The following UGT1A9 variants were observed in gnomAD, a reference collection of about 807,000 sequenced individuals.
UGT1A9 encodes UDP glucuronosyltransferase family 1 member A9.
Under a neutral mutation model 45.0 loss-of-function variants are expected in UGT1A9, and 35 were observed. That is an observed-to-expected ratio of 0.78 (90% CI 0.59 to 1.03). The LOEUF (loss-of-function observed/expected upper bound fraction) is 1.03, where lower values mean the gene tolerates loss of function less well. Ranked by LOEUF, UGT1A9 falls within the 50% of genes least tolerant of loss-of-function variation. UGT1A9 has a pLI of 0.00. For missense variants in UGT1A9, 687 were observed against 666.6 expected (o/e 1.03, Z -0.34); for synonymous variants, 278 against 250.6 (o/e 1.11, Z -1.03).
chr2:233,726,116 T>C (rs1575565636), intron 1 of UGT1A9, among the ~76,000 whole-genome samples: 1 of 152,166 alleles, frequency 6.6e-6, no homozygotes, highest in East Asian at 1.9e-4. Flanking sequence ...CAGTGTGCCA[T>C]GTTCACACCA....
chr2:233,719,092 G>A lies in UGT1A9; in HGVS notation c.855+46303G>A, dbSNP rs570129053. 84 of 1,614,240 alleles carry A rather than the reference G, an allele frequency of 5.2e-5. No homozygotes were observed. The highest frequency in any genetic ancestry group is 6.6e-5 in the Non-Finnish European group (78 of 1,180,038). On this transcript the variant is annotated intron_variant, in intron 1 of 4. Transcript: ENST00000354728. Reference sequence around the variant, plus strand: ...CCATGGACCCAGAAGGAATTTGATCGCGTTACGCTGGGCTACACTCAAGGG... The same window carrying A: ...CCATGGACCCAGAAGGAATTTGATCACGTTACGCTGGGCTACACTCAAGGG...
chr2:233,719,027 C>CA (rs779192742), intron 1 of UGT1A9: 8 of 1,614,110 alleles, frequency 5.0e-6, no homozygotes, highest in African/African-American at 1.3e-5. Flanking sequence ...ATATGCACAT[C>CA]AAAGAAGAGA....
intron 1 of UGT1A9, among the ~76,000 whole-genome samples, chr2:233,738,306 T>C (rs181527860): frequency 9.5e-4 from 144 of 152,344 alleles, no homozygotes; most frequent in Non-Finnish European, 1.5e-3. Context: ...TATGTCTTTA[T>C]AGCAGTGTGT....
At chr2:233,682,483 G>A (rs1462405712) in intron 1 of UGT1A9, 2 of 1,613,920 alleles carry the variant, frequency 1.2e-6, no homozygotes, top group South Asian at 1.1e-5. Context: ...AAGGTGCACA[G>A]TGCCCTGCTC....
Position 233,768,222 on chromosome 2 carries a change from C to G in UGT1A9, c.1078C>G (p.His360Asp). 1 of 1,614,186 alleles carries G rather than the reference C, an allele frequency of 6.2e-7. No homozygotes were observed. Among genetic ancestry groups the G allele is most frequent in the Non-Finnish European group, 8.5e-7 (1 of 1,180,046 alleles). The change falls in exon 4 of 5, where the codon CAC becomes GAC. Residue 360 changes from histidine to aspartate, a missense_variant and splice_region_variant. His to Asp is a moderately conservative substitution (Grantham distance 81, BLOSUM62 -1). Coordinates refer to ENST00000354728, the MANE Select transcript of UGT1A9 (RefSeq NM_021027.3). ...ATCCTCCCTATTTTGCATCTCAGGT[C>G]ACCCGATGACCCGTGCCTTTATCAC... ...KWLPQNDLLG[H>D]PMTRAFITHA... is the part of the protein sequence containing the mutation.
chr2:233,720,322 A>C (rs1355455978), intron 1 of UGT1A9, among the ~76,000 whole-genome samples: 3 of 152,124 alleles, frequency 2.0e-5, no homozygotes, highest in African/African-American at 7.2e-5. Context: ...ATGTGGGGAC[A>C]TCGTAGAGTT....
At chr2:233,719,463 C>T (rs778257140) in intron 1 of UGT1A9, 5 of 1,613,980 alleles carry the variant, frequency 3.1e-6, no homozygotes, top group South Asian at 1.1e-5. Context: ...CAAGAACATG[C>T]TCTACCCTCT....
At chr2:233,681,416 C>T (rs1050679967) in intron 1 of UGT1A9, among the ~76,000 whole-genome samples, 1 of 151,512 alleles carries the variant, frequency 6.6e-6, no homozygotes, top group African/African-American at 2.4e-5. Context: ...CGCCTGTAAT[C>T]CCAGCTACTG....
chr2:233,745,888 G>A (rs1423875334), intron 1 of UGT1A9, among the ~76,000 whole-genome samples: 1 of 151,512 alleles, frequency 6.6e-6, no homozygotes, highest in African/African-American at 2.4e-5. Flanking sequence ...TGTTGGTGGG[G>A]TGGCGTTTTT....
chr2:233,706,586 G>A (rs992112289), intron 1 of UGT1A9, among the ~76,000 whole-genome samples: 1 of 152,142 alleles, frequency 6.6e-6, no homozygotes, highest in Non-Finnish European at 1.5e-5. Flanking sequence ...GGAGATGGGA[G>A]GTGGACCTAA....
At chr2:233,695,903 T>C (rs1451387957) in intron 1 of UGT1A9, among the ~76,000 whole-genome samples, 2 of 151,728 alleles carry the variant, frequency 1.3e-5, no homozygotes, top group African/African-American at 4.8e-5. Context: ...ATGTGTGGGG[T>C]TTTTTTTCTC....
At position 233,731,426 on chromosome 2, in the gene UGT1A9, C is replaced by A. The variant is rs575531992; in HGVS notation, c.856-35608C>A. Among the ~76,000 whole-genome samples, 3 of 152,128 alleles carry A rather than the reference C, an allele frequency of 2.0e-5. No homozygotes were observed. The South Asian group carries it at 6.2e-4, about 32-fold the overall frequency. On this transcript the variant is annotated intron_variant, in intron 1 of 4. Coordinates refer to ENST00000354728, the MANE Select transcript of UGT1A9 (RefSeq NM_021027.3). ...CATTAGGTATTTTTCCTAATGCCATCCCTCCCCCAGTCCCCCACCCCACAA... is the reference window on the plus strand; with the variant it reads ...CATTAGGTATTTTTCCTAATGCCATACCTCCCCCAGTCCCCCACCCCACAA...
chr2:233,744,048 C>T (rs982904755), intron 1 of UGT1A9: 4 of 712,778 alleles, frequency 5.6e-6, no homozygotes, highest in Non-Finnish European at 8.0e-6. Context: ...AGCCACATCT[C>T]ATTGGTCGAG....
At chr2:233,682,102 G>A (rs530813077) in intron 1 of UGT1A9, 1 of 1,614,164 alleles carries the variant, frequency 6.2e-7, no homozygotes, top group Non-Finnish European at 8.5e-7. Context: ...GGCATGAGGT[G>A]GTCGTAGTCA....
intron 1 of UGT1A9, chr2:233,682,739 A>T (rs762762821): frequency 6.2e-7 from 1 of 1,613,808 alleles, no homozygotes; most frequent in African/African-American, 1.3e-5. Context: ...CGTGATGCCC[A>T]ATATGATCTT....
intron 1 of UGT1A9, chr2:233,690,589 A>G (rs1328704294): frequency 2.3e-4 from 77 of 338,396 alleles, no homozygotes; most frequent in Non-Finnish European, 3.2e-4. Flanking sequence ...AATCCCTGAG[A>G]AAAAAAAAAA....
chr2:233,672,294 T>A lies in UGT1A9; in HGVS notation c.360T>A (p.Phe120Leu). Reference sequence around the variant, plus strand: ...CATACAATGACATTTTTGACTTATTTTTTTCAAATTGCAGGAGTTTGTTTA... The same window carrying A: ...CATACAATGACATTTTTGACTTATTATTTTCAAATTGCAGGAGTTTGTTTA... ...MGSYNDIFDL[F>L]FSNCRSLFKD... The change falls in exon 1 of 5, where the codon TTT becomes TTA. Residue 120 changes from phenylalanine (F) to leucine (L), a missense_variant. Physicochemically the swap from Phe to Leu is conservative, Grantham distance 22. Coordinates refer to ENST00000354728, the MANE Select transcript of UGT1A9 (RefSeq NM_021027.3). The A allele has an allele frequency of 6.2e-7, 1 of 1,613,986 alleles. No individual in the cohort carries two copies. Among genetic ancestry groups the A allele is most frequent in the East Asian group, 2.2e-5 (1 of 44,894 alleles).
At chr2:233,719,812 CA>C in intron 1 of UGT1A9, 1 of 1,587,558 alleles carries the variant, frequency 6.3e-7, no homozygotes, top group Non-Finnish European at 8.6e-7. Context: ...TTCTTTATAA[CA>C]GATAAACTGT....
intron 1 of UGT1A9, among the ~76,000 whole-genome samples, chr2:233,748,366 G>A (rs1693927110): frequency 1.3e-5 from 2 of 151,774 alleles, no homozygotes; most frequent in Admixed American, 1.3e-4. Context: ...CCATCTTCAT[G>A]GTTGTGCATG....
Sources: gnomAD v4.1 joint callset for allele counts (sites outside exome capture counted in the v4.1 genomes callset) on GRCh38, gnomAD v4.1.1 for gene constraint, MANE v1.5 for transcripts, NCBI Gene and HGNC (gene_info 2026-07-23, HGNC 2026-07-21) for gene names.